The following ADCY5 variants were observed in gnomAD, a reference collection of about 807,000 sequenced individuals.
ADCY5 encodes the protein adenylate cyclase type 5.
In ADCY5, 30 loss-of-function variants were observed where a neutral mutation model predicts 119.7. The observed-to-expected ratio is 0.25, with a 90% CI of 0.19 to 0.34. The LOEUF is 0.34. Ranked by LOEUF, ADCY5 falls within the 10% of genes least tolerant of loss-of-function variation. The pLI, the probability that ADCY5 is intolerant of heterozygous loss-of-function variation, is 1.00. For missense variants in ADCY5, 1,324 were observed against 1,775.2 expected, an observed-to-expected ratio of 0.75 and a Z score of 4.57; for synonymous variants, 753 against 762.2, an observed-to-expected ratio of 0.99 and a Z score of 0.20.
chr3:123,421,337 C>A (rs534823499), intron 1 of ADCY5, among the ~76,000 whole-genome samples: 3 of 152,344 alleles, frequency 2.0e-5, no homozygotes, highest in Admixed American at 1.3e-4. Context: ...GAGACCCAGA[C>A]AGGTTAGGTA....
At chr3:123,293,288 G>A (rs553105569) in intron 17 of ADCY5, among the ~76,000 whole-genome samples, 4 of 152,084 alleles carry the variant, frequency 2.6e-5, no homozygotes, top group South Asian at 2.1e-4. Flanking sequence ...TGAGGAGTCC[G>A]CCTACCAGCC....
chr3:123,337,489 G>A (rs893688689), intron 3 of ADCY5, among the ~76,000 whole-genome samples: 2 of 152,308 alleles, frequency 1.3e-5, no homozygotes, highest in Middle Eastern at 3.4e-3. Context: ...TCAAGGAGTC[G>A]GTAGGGCCCT....
intron 6 of ADCY5, among the ~76,000 whole-genome samples, chr3:123,328,174 T>C (rs1941585306): frequency 6.6e-6 from 1 of 152,180 alleles, no homozygotes; most frequent in African/African-American, 2.4e-5. Flanking sequence ...TAAAAGGCCA[T>C]CGGCTCTTCT....
intron 1 of ADCY5, among the ~76,000 whole-genome samples, chr3:123,353,972 C>T (rs1026528285): frequency 1.3e-5 from 2 of 152,156 alleles, no homozygotes; most frequent in African/African-American, 4.8e-5. Flanking sequence ...ATGCCCTGAG[C>T]TCCCCATGTG....
In ADCY5 at chr3:123,448,358, G is replaced by A. The variant is rs1415710264; in HGVS notation, c.188C>T (p.Pro63Leu). ...STKKPGGAVTPQQQQRLASRW... is the reference protein window; with the variant it reads ...STKKPGGAVTLQQQQRLASRW... ...GCTGGCCAGGCGCTGCTGCTGCTGC[G>A]GGGTCACCGCCCCCCCGGGTTTCTT... The change falls in exon 1 of 21, where the codon CCG becomes CTG. Residue 63 changes from proline (P) to leucine (L), a missense_variant. Physicochemically the swap from Pro to Leu is moderately conservative, Grantham distance 98. Coordinates refer to ENST00000462833, the MANE Select transcript of ADCY5 (RefSeq NM_183357.3). 2.6e-6 allele frequency: 4 copies of A among 1,512,078 alleles called. No individual in the cohort carries two copies. The highest frequency in any genetic ancestry group is 3.5e-6 in the Non-Finnish European group (4 of 1,140,946). The allele number at this position is 1,512,078 out of a possible 1,614,324, so 93.7% of individuals were successfully genotyped here.
intron 1 of ADCY5, among the ~76,000 whole-genome samples, chr3:123,361,904 T>C (rs1943261676): frequency 6.6e-6 from 1 of 152,256 alleles, no homozygotes; most frequent in Non-Finnish European, 1.5e-5. Context: ...AATTTTCCAC[T>C]GTGGCATCAT....
At chr3:123,431,627 T>C (rs1216613677) in intron 1 of ADCY5, among the ~76,000 whole-genome samples, 2 of 152,200 alleles carry the variant, frequency 1.3e-5, no homozygotes, top group Non-Finnish European at 2.9e-5. Context: ...CTTGCAGTTA[T>C]TATAGCACTG....
intron 2 of ADCY5, among the ~76,000 whole-genome samples, chr3:123,349,176 C>T (rs1396592831): frequency 7.2e-5 from 11 of 152,216 alleles, no homozygotes; most frequent in Admixed American, 3.9e-4. Context: ...AAACCACACT[C>T]GCTTTCCCAC....
At position 123,448,130 on chromosome 3, in the gene ADCY5, G is replaced by A. The variant is rs1945862428; in HGVS notation, c.416C>T (p.Ser139Leu). 1.9e-6 allele frequency: 2 copies of A among 1,039,340 alleles called. No individual in the cohort carries two copies. Among genetic ancestry groups the A allele is most frequent in the Admixed American group, 5.8e-5 (1 of 17,348 alleles). 64.4% of individuals were successfully genotyped at this position (1,039,340 alleles called of 1,614,324 possible). ...RAPPAGGGGGSAAAAASAGGT... is the reference protein window; with the variant it reads ...RAPPAGGGGGLAAAAASAGGT... ...GCCCGCCGAGGCAGCCGCCGCCGCC[G>A]AGCCGCCGCCGCCGCCCGCAGGGGG... is the stretch of plus-strand genomic sequence containing the variant. The change falls in exon 1 of 21, where the codon TCG becomes TTG. Residue 139 changes from serine (S) to leucine (L), a missense_variant. Physicochemically the swap from Ser to Leu is moderately radical, Grantham distance 145. Around this residue, in one of 6 missense-constraint regions of ADCY5, gnomAD observed 585 missense variants for 569.9 expected, o/e 1.03. Transcript: ENST00000462833.
At chr3:123,422,771 T>C (rs1189591225) in intron 1 of ADCY5, among the ~76,000 whole-genome samples, 1 of 152,144 alleles carries the variant, frequency 6.6e-6, no homozygotes, top group African/African-American at 2.4e-5. Context: ...GTCTCTCTTC[T>C]CATCAAGCTT....
At chr3:123,405,042 T>C (rs1273065476) in intron 1 of ADCY5, among the ~76,000 whole-genome samples, 1 of 152,192 alleles carries the variant, frequency 6.6e-6, no homozygotes, top group African/African-American at 2.4e-5. Flanking sequence ...GCTGGAATGG[T>C]AGGGCGATGC....
chr3:123,355,675 C>T (rs1281854902), intron 1 of ADCY5, among the ~76,000 whole-genome samples: 1 of 151,372 alleles, frequency 6.6e-6, no homozygotes, highest in African/African-American at 2.4e-5. Flanking sequence ...TAAAATTGGT[C>T]TTTATCTAAG....
chr3:123,398,950 C>T (rs958251323), intron 1 of ADCY5, among the ~76,000 whole-genome samples: 21 of 152,190 alleles, frequency 1.4e-4, no homozygotes, highest in African/African-American at 4.6e-4. Flanking sequence ...CATTAGGCCT[C>T]GAGAATCCCC....
intron 7 of ADCY5, among the ~76,000 whole-genome samples, chr3:123,326,628 G>A (rs148777567): frequency 1.4e-4 from 22 of 152,228 alleles, no homozygotes; most frequent in Non-Finnish European, 2.2e-4. Flanking sequence ...ACTGGCCAAC[G>A]CTTACAAACG....
chr3:123,419,825 C>T (rs539423864), intron 1 of ADCY5, among the ~76,000 whole-genome samples: 27 of 152,186 alleles, frequency 1.8e-4, no homozygotes, highest in Non-Finnish European at 3.1e-4. Flanking sequence ...CTGCTCAGCT[C>T]CCCTCCTCCT....
At chr3:123,295,567 AT>A (rs1397985017) in intron 17 of ADCY5, among the ~76,000 whole-genome samples, 1 of 152,192 alleles carries the variant, frequency 6.6e-6, no homozygotes, top group Non-Finnish European at 1.5e-5. Flanking sequence ...CCTTCAGTCC[AT>A]CCCCTCTGGA....
chr3:123,404,578 A>T (rs1217310727), intron 1 of ADCY5: 1 of 152,338 alleles, frequency 6.6e-6, no homozygotes, highest in African/African-American at 2.4e-5. Flanking sequence ...CAGAGAGAAG[A>T]ATGTGCACTA....
intron 8 of ADCY5, among the ~76,000 whole-genome samples, chr3:123,323,993 G>A (rs997440143): frequency 2.6e-5 from 4 of 152,072 alleles, no homozygotes; most frequent in Admixed American, 6.5e-5. Flanking sequence ...GGGGAGGGAG[G>A]GTGGTGGCTG....
intron 1 of ADCY5, among the ~76,000 whole-genome samples, chr3:123,367,603 G>A (rs1210059274): frequency 1.3e-5 from 2 of 152,236 alleles, no homozygotes; most frequent in East Asian, 3.9e-4. Context: ...GTGAGTAGTG[G>A]TGACAGCTGA....
Sources: gnomAD v4.1 joint callset for allele counts (sites outside exome capture counted in the v4.1 genomes callset) on GRCh38, gnomAD v4.1.1 for gene constraint, gnomAD v4.1.1 regional missense constraint, MANE v1.5 for transcripts, NCBI Gene and HGNC (gene_info 2026-07-23, HGNC 2026-07-21) for gene names.